LTN1: variants seen among roughly 807,000 people sequenced by gnomAD.
LTN1 encodes listerin E3 ubiquitin protein ligase 1, also known as E3 ubiquitin-protein ligase listerin.
A neutral mutation model predicts 201.2 loss-of-function variants in LTN1; 88 were observed. That is an observed-to-expected ratio of 0.44 (90% CI 0.37 to 0.52). The LOEUF is 0.52. Ranked by LOEUF, LTN1 falls within the 20% of genes least tolerant of loss-of-function variation. The probability of loss-of-function intolerance (pLI) is 0.00; values close to 1 mark genes in which losing one functional copy is unlikely to be tolerated. For missense variants in LTN1, 1,752 were observed against 2,038.7 expected, an observed-to-expected ratio of 0.86 and a Z score of 2.71; for synonymous variants, 645 against 713.5, an observed-to-expected ratio of 0.90 and a Z score of 1.53.
rs138254556 is a variant in LTN1, at chr21:28,971,079, C to T, written c.984+192G>A. Reference sequence around the variant, plus strand: ...CAGTTATGGTGACTGCACTAGGACACATAAGGTTTAAAGAATAATTAATAC... The same window carrying T: ...CAGTTATGGTGACTGCACTAGGACATATAAGGTTTAAAGAATAATTAATAC... On this transcript the variant is annotated intron_variant, in intron 7 of 29. Coordinates refer to ENST00000361371, the MANE Select transcript of LTN1 (RefSeq NM_015565.3). 2.6e-5 allele frequency among the ~76,000 whole-genome samples: 4 copies of T among 152,240 alleles called. No individual in the cohort carries two copies. In the East Asian group the frequency reaches 7.7e-4, roughly 29 times the overall value.
At chr21:28,978,744 AAAAAAGAC>A (rs1227992151) in intron 6 of LTN1, among the ~76,000 whole-genome samples, 2 of 152,150 alleles carry the variant, frequency 1.3e-5, no homozygotes, top group African/African-American at 4.8e-5. Context: ...TAGAATTTTT[AAAAAAGAC>A]AAAAAGACTA....
rs1218538306 is a variant in LTN1, at chr21:28,928,253, GAAATATTTTTAATTAAAAAGAATTTT to G, written c.*2169_*2194del. 1 of 152,426 alleles carries G rather than the reference GAAATATTTTTAATTAAAAAGAATTTT, an allele frequency of 6.6e-6. No homozygotes were observed. The highest frequency in any genetic ancestry group is 1.5e-5 in the Non-Finnish European group (1 of 67,964). 9.4% of individuals were successfully genotyped at this position (152,426 alleles called of 1,614,324 possible). The stretch of plus-strand genomic sequence containing the variant: ...TATATTATTATTTTTCTGCATATTT[GAAATATTTTTAATTAAAAAGAATTTT>G]AATGGGCACATATGGTATAACAATC... On this transcript the variant is annotated 3_prime_UTR_variant, in exon 30 of 30. Coordinates refer to ENST00000361371, the MANE Select transcript of LTN1 (RefSeq NM_015565.3).
intron 3 of LTN1, among the ~76,000 whole-genome samples, chr21:28,985,906 C>T (rs1157256654): frequency 1.3e-5 from 2 of 152,108 alleles, no homozygotes; most frequent in East Asian, 3.9e-4. Flanking sequence ...AGTGATCTGC[C>T]CACCTCAGCC....
intron 11 of LTN1, among the ~76,000 whole-genome samples, chr21:28,961,695 CT>C (rs2084480596): frequency 6.6e-6 from 1 of 152,184 alleles, no homozygotes; most frequent in African/African-American, 2.4e-5. Flanking sequence ...GTGGGCCTAT[CT>C]CCTAATTTGA....
At chr21:28,980,661 C>T (rs539748697) in intron 6 of LTN1, among the ~76,000 whole-genome samples, 18 of 151,588 alleles carry the variant, frequency 1.2e-4, no homozygotes, top group South Asian at 4.2e-4. Flanking sequence ...CCCTGCATTT[C>T]CCGTAAGGGC....
Position 28,959,604 on chromosome 21 carries a change from C to T in LTN1, c.2447G>A (p.Ser816Asn), listed in dbSNP as rs775157874. The change falls in exon 13 of 30, where the codon AGT becomes AAT. Residue 816 changes from serine (S) to asparagine (N), a missense_variant. Ser to Asn is a conservative substitution (Grantham distance 46). This residue lies in a region of LTN1 where 1,211 missense variants were observed against 1,312.8 expected (regional missense o/e 0.92). Transcript: ENST00000361371. ...KTKKLSEAES[S>N]DSSVSFICDV... The stretch of plus-strand genomic sequence containing the variant: ...ACAGATAAAAGACACTGATGAGTCA[C>T]TGCTTTCAGCTTCTGATAATTTCTT... 7 of 1,613,918 alleles carry T rather than the reference C, an allele frequency of 4.3e-6. No homozygotes were observed. Among genetic ancestry groups the T allele is most frequent in the African/African-American group, 1.3e-5 (1 of 74,926 alleles).
In LTN1 at chr21:28,992,817, C is replaced by CG; in HGVS notation, c.-13_-12insC. The CG allele has an allele frequency of 6.2e-7, 1 of 1,614,218 alleles. No homozygotes were observed. Among genetic ancestry groups the CG allele is most frequent in the South Asian group, 1.1e-5 (1 of 91,086 alleles). On this transcript the variant is annotated 5_prime_UTR_variant, in exon 1 of 30. Coordinates refer to ENST00000361371, the MANE Select transcript of LTN1 (RefSeq NM_015565.3). Reference sequence around the variant, plus strand: ...TTCTTCCCGCCCATGGTCGCGGTTGCAGCTGTACTCTGAGCACTCAGACCC... The same window carrying CG: ...TTCTTCCCGCCCATGGTCGCGGTTGCGAGCTGTACTCTGAGCACTCAGACCC...
chr21:28,945,743 T>C (rs2084331847), intron 21 of LTN1, 64 bp downstream of exon 21: 2 of 1,434,708 alleles, frequency 1.4e-6, no homozygotes, highest in African/African-American at 1.4e-5. Flanking sequence ...GATTAGTAAA[T>C]AGTTCTGATG....
chr21:28,935,897 A>T (rs1332465977), intron 26 of LTN1, among the ~76,000 whole-genome samples: 5 of 152,154 alleles, frequency 3.3e-5, no homozygotes, highest in Non-Finnish European at 5.9e-5. Context: ...CTACCTAGAA[A>T]CAGATTTCTG....
At chr21:28,978,474 G>GA (rs2084633703) in intron 6 of LTN1, among the ~76,000 whole-genome samples, 1 of 152,148 alleles carries the variant, frequency 6.6e-6, no homozygotes, top group Non-Finnish European at 1.5e-5. Flanking sequence ...AACACCAAAT[G>GA]AAAAGGTAGA....
intron 14 of LTN1, among the ~76,000 whole-genome samples, chr21:28,957,987 C>T (rs1388741637): frequency 2.0e-5 from 3 of 152,140 alleles, no homozygotes. Flanking sequence ...ATAGTATCAC[C>T]ATCACTTTAC....
intron 26 of LTN1, among the ~76,000 whole-genome samples, chr21:28,935,633 G>A (rs2084249573): frequency 6.6e-6 from 1 of 152,060 alleles, no homozygotes; most frequent in African/African-American, 2.4e-5. Context: ...GAGATCAGGA[G>A]ATCAAGACCA....
intron 20 of LTN1, 44 bp from the exon 21 acceptor site, chr21:28,945,995 A>G (rs2084334404): frequency 1.3e-6 from 2 of 1,529,384 alleles, no homozygotes; most frequent in Non-Finnish European, 1.8e-6. Flanking sequence ...GATTATATTG[A>G]CATTCAATTA....
At chr21:28,952,591 G>A (rs974131736) in intron 17 of LTN1, among the ~76,000 whole-genome samples, 10 of 152,168 alleles carry the variant, frequency 6.6e-5, no homozygotes, top group Admixed American at 3.9e-4. Flanking sequence ...TCTCCCAGAG[G>A]ACACCTAGGC....
chr21:28,952,666 A>T (rs1236694300), intron 17 of LTN1, among the ~76,000 whole-genome samples: 1 of 152,214 alleles, frequency 6.6e-6, no homozygotes, highest in African/African-American at 2.4e-5. Flanking sequence ...ACTAAGTAGA[A>T]TGCGATTGGA....
chr21:28,958,349 T>C lies in LTN1; in HGVS notation c.2747+37A>G, dbSNP rs548133219. The C allele has an allele frequency of 3.2e-6, 5 of 1,579,004 alleles. No homozygotes were observed. In the East Asian group the frequency reaches 9.1e-5, roughly 29 times the overall value. ...CTAATTTAAGGACACTGTTCAAGTA[T>C]AAAAGAGACACTGAAACCAAGCTCA... On this transcript the variant is annotated intron_variant, in intron 14 of 29. Transcript: ENST00000361371.
intron 1 of LTN1, among the ~76,000 whole-genome samples, chr21:28,988,125 G>A (rs1337203013): frequency 1.4e-5 from 2 of 144,898 alleles, no homozygotes; most frequent in African/African-American, 2.6e-5. Context: ...CTGGGTGACA[G>A]GGCGAGACTC....
In LTN1 at chr21:28,930,481, G is replaced by C; in HGVS notation, c.5268C>G (p.Ser1756=). ...ACGTCTCACGACACAGTGGACAAGT[G>C]GATTTGTTGCTAGATGTAAACCATT... The part of the protein sequence containing the change: ...LYKWFTSSNK[S]TCPLCRETFF The change falls in exon 30 of 30, where the codon TCC becomes TCG. Residue 1756 remains serine, a synonymous_variant. Coordinates refer to ENST00000361371, the MANE Select transcript of LTN1 (RefSeq NM_015565.3). The C allele has an allele frequency of 6.2e-7, 1 of 1,612,556 alleles. No homozygotes were observed. The highest frequency in any genetic ancestry group is 8.5e-7 in the Non-Finnish European group (1 of 1,179,190).
At chr21:28,971,577 T>A in intron 6 of LTN1, 133 bp from the exon 7 acceptor site, 1 of 771,456 alleles carries the variant, frequency 1.3e-6, no homozygotes, top group Non-Finnish European at 2.0e-6. Context: ...AAATACTTTT[T>A]AAAATCTTAG....
Sources: allele counts gnomAD v4.1 joint callset (sites outside exome capture counted in the v4.1 genomes callset), GRCh38; gene constraint gnomAD v4.1.1; regional missense constraint gnomAD v4.1.1; transcripts MANE v1.5; gene names NCBI Gene and HGNC (gene_info 2026-07-23, HGNC 2026-07-21).